Variants in XKR9 observed in about 807,000 individuals in gnomAD.
XKR9 encodes the protein XK-related protein 9.
Under a neutral mutation model 32.0 loss-of-function variants are expected in XKR9, and 32 were observed. The ratio of observed to expected loss-of-function variants is 1.00; its 90% confidence interval spans 0.76 to 1.34. The LOEUF is 1.34. Among genes scored for constraint, XKR9 ranks in the 40% most tolerant of loss-of-function variants. The pLI is 0.00. For missense variants in XKR9, 546 were observed against 429.7 expected (o/e 1.27, Z -2.39); for synonymous variants, 168 against 143.4 (o/e 1.17, Z -1.22).
chr8:70,969,735 A>C, the XKR9 span, among the ~76,000 whole-genome samples: 5 of 152,198 alleles, frequency 3.3e-5, no homozygotes, highest in Non-Finnish European at 7.3e-5. Context: ...TGAAACATTT[A>C]TATTTTAATT....
At chr8:70,742,443 A>T (rs1228944159) in intron 2 of XKR9, among the ~76,000 whole-genome samples, 1 of 152,220 alleles carries the variant, frequency 6.6e-6, no homozygotes, top group Non-Finnish European at 1.5e-5. Flanking sequence ...GGAATCTTTG[A>T]GTAATAAAGG....
the XKR9 span, among the ~76,000 whole-genome samples, chr8:71,004,412 G>A: frequency 6.6e-6 from 1 of 152,160 alleles, no homozygotes; most frequent in African/African-American, 2.4e-5. Context: ...TGTGAGGCAG[G>A]GTTGGCTTGG....
At chr8:70,764,548 T>C (rs1175143238) in intron 2 of XKR9, among the ~76,000 whole-genome samples, 2 of 152,208 alleles carry the variant, frequency 1.3e-5, no homozygotes, top group Non-Finnish European at 2.9e-5. Flanking sequence ...GATGACCAGA[T>C]CTGCCTCTTC....
the XKR9 span, among the ~76,000 whole-genome samples, chr8:70,801,672 T>C: frequency 6.6e-6 from 1 of 152,178 alleles, no homozygotes; most frequent in South Asian, 2.1e-4. Context: ...GAGATGTCTG[T>C]TAGGCCCATT....
At chr8:70,989,945 T>C in the XKR9 span, among the ~76,000 whole-genome samples, 27 of 152,184 alleles carry the variant, frequency 1.8e-4, no homozygotes, top group African/African-American at 6.3e-4. Context: ...TATTTGTCAT[T>C]TTGTGTCTCG....
the XKR9 span, among the ~76,000 whole-genome samples, chr8:70,909,399 T>C: frequency 4.6e-5 from 7 of 152,206 alleles, no homozygotes; most frequent in Non-Finnish European, 1.0e-4. Flanking sequence ...CAATATTCTC[T>C]AGTGCCTCTT....
chr8:70,911,067 C>T, the XKR9 span, among the ~76,000 whole-genome samples: 1 of 152,138 alleles, frequency 6.6e-6, no homozygotes, highest in Non-Finnish European at 1.5e-5. Context: ...CTGTATAATC[C>T]AGGCTTAGCT....
At chr8:70,865,847 G>A in the XKR9 span, among the ~76,000 whole-genome samples, 2 of 152,216 alleles carry the variant, frequency 1.3e-5, no homozygotes, top group African/African-American at 4.8e-5. Context: ...GAGTCTGAAA[G>A]TGAGTACTTC....
At chr8:70,847,517 C>A in the XKR9 span, among the ~76,000 whole-genome samples, 1 of 151,212 alleles carries the variant, frequency 6.6e-6, no homozygotes, top group Non-Finnish European at 1.5e-5. Context: ...ACAAAAAATA[C>A]AAAGTATCAA....
the XKR9 span, among the ~76,000 whole-genome samples, chr8:71,026,235 T>C: frequency 3.9e-5 from 6 of 152,204 alleles, no homozygotes; most frequent in Non-Finnish European, 8.8e-5. Flanking sequence ...TCCTCATATT[T>C]GTACCTTATT....
At chr8:71,014,651 A>G in the XKR9 span, among the ~76,000 whole-genome samples, 3 of 152,296 alleles carry the variant, frequency 2.0e-5, no homozygotes, top group African/African-American at 7.2e-5. Flanking sequence ...TCCAAATAAG[A>G]TCATATACAC....
the XKR9 span, among the ~76,000 whole-genome samples, chr8:70,931,789 T>G: frequency 6.6e-6 from 1 of 152,176 alleles, no homozygotes; most frequent in Admixed American, 6.6e-5. Flanking sequence ...CCCAGACTCC[T>G]GTAAACAACC....
chr8:70,799,362 A>G, the XKR9 span, among the ~76,000 whole-genome samples: 1 of 152,060 alleles, frequency 6.6e-6, no homozygotes, highest in Non-Finnish European at 1.5e-5. Flanking sequence ...ACGGAGTCTC[A>G]CTCTGTAGCC....
At chr8:70,758,849 C>G (rs184186867) in intron 2 of XKR9, among the ~76,000 whole-genome samples, 4 of 152,158 alleles carry the variant, frequency 2.6e-5, no homozygotes, top group Admixed American at 2.0e-4. Context: ...CAGCAAAGCT[C>G]TCCTTATATG....
At chr8:70,930,026 C>T in the XKR9 span, among the ~76,000 whole-genome samples, 1 of 152,098 alleles carries the variant, frequency 6.6e-6, no homozygotes, top group Non-Finnish European at 1.5e-5. Flanking sequence ...GTTTGATTTT[C>T]GTATTTTACA....
the XKR9 span, among the ~76,000 whole-genome samples, chr8:70,885,186 G>A: frequency 6.6e-6 from 1 of 151,724 alleles, no homozygotes; most frequent in Non-Finnish European, 1.5e-5. Context: ...TTTAAAAATT[G>A]CTGGTAAGTA....
intron 2 of XKR9, among the ~76,000 whole-genome samples, chr8:70,781,566 A>C (rs972012335): frequency 6.8e-6 from 1 of 146,906 alleles, no homozygotes; most frequent in African/African-American, 2.5e-5. Flanking sequence ...AAAAAAAAAG[A>C]GTTCCCTTTT....
chr8:70,948,607 T>C, the XKR9 span, among the ~76,000 whole-genome samples: 1 of 152,200 alleles, frequency 6.6e-6, no homozygotes, highest in Admixed American at 6.5e-5. Context: ...ACCCACTCTT[T>C]GTCTACCGTC....
chr8:71,027,780 G>A, the XKR9 span, among the ~76,000 whole-genome samples: 504 of 24,426 alleles, frequency 0.021, 2 homozygotes, highest in Non-Finnish European at 0.048. Flanking sequence ...TTTTTTTGGC[G>A]GGGGGGGGGG....
Sources: allele counts gnomAD v4.1 joint callset (sites outside exome capture counted in the v4.1 genomes callset), GRCh38; gene constraint gnomAD v4.1.1; transcripts MANE v1.5; gene names NCBI Gene and HGNC (gene_info 2026-07-23, HGNC 2026-07-21).